THSD4: variants seen among roughly 807,000 people sequenced by gnomAD.
THSD4 encodes the protein thrombospondin type 1 domain containing 4, also known as thrombospondin type-1 domain-containing protein 4.
Under a neutral mutation model 119.0 loss-of-function variants are expected in THSD4, and 69 were observed. The observed-to-expected ratio is 0.58, with a 90% CI of 0.48 to 0.71. THSD4 has a LOEUF of 0.71. THSD4 is among the 30% of genes least tolerant of loss of function. The pLI, the probability that THSD4 is intolerant of heterozygous loss-of-function variation, is 0.00. For synonymous variants in THSD4, 524 were observed against 540.4 expected (o/e 0.97, Z 0.42); for missense variants, 1,393 against 1,391.1 (o/e 1.00, Z -0.02).
chr15:71,703,316 G>A (rs2052329196), intron 8 of THSD4, among the ~76,000 whole-genome samples: 1 of 152,162 alleles, frequency 6.6e-6, no homozygotes, highest in Non-Finnish European at 1.5e-5. Flanking sequence ...TGTAGACCCA[G>A]AAATCTCTAT....
intron 7 of THSD4, among the ~76,000 whole-genome samples, chr15:71,481,615 C>T (rs530530718): frequency 1.3e-5 from 2 of 152,154 alleles, no homozygotes; most frequent in South Asian, 4.2e-4. Flanking sequence ...TTCCTTTTTG[C>T]CCCTCTTCAT....
intron 7 of THSD4, among the ~76,000 whole-genome samples, chr15:71,656,087 G>A (rs1022205862): frequency 1.3e-5 from 2 of 152,126 alleles, no homozygotes; most frequent in African/African-American, 4.8e-5. Flanking sequence ...TGATTATACA[G>A]CTGTGTTTTG....
At chr15:71,446,320 C>T (rs571527066) in intron 7 of THSD4, among the ~76,000 whole-genome samples, 24 of 152,268 alleles carry the variant, frequency 1.6e-4, no homozygotes, top group Admixed American at 3.3e-4. Context: ...TAGCATTGCC[C>T]TTTCTTATAC....
intron 3 of THSD4, among the ~76,000 whole-genome samples, chr15:71,205,869 C>CTTTT (rs36119455): frequency 1.5e-5 from 2 of 130,854 alleles, no homozygotes; most frequent in Non-Finnish European, 3.2e-5. Context: ...TGGAGATTCT[C>CTTTT]TTTTTTTTTT....
rs201001019 is a variant in THSD4 at position 71,243,268 on chromosome 15, CT to C, written c.912+185del. The stretch of plus-strand genomic sequence containing the variant: ...CCATGTATTCTCCCTACATAGTTTT[CT>C]TTTTTTTTTTTTAAAGTTATTGCTT... On this transcript the variant is annotated intron_variant, in intron 5 of 17. Transcript: ENST00000261862. Among the ~76,000 whole-genome samples the C allele has an allele frequency of 3.7e-3, 532 of 142,500 alleles. 2 individuals carry two copies. The highest frequency in any genetic ancestry group is 6.8e-3 in the African/African-American group (265 of 39,090). The allele number at this position is 142,500 out of a possible 152,430, so 93.5% of individuals were successfully genotyped here. A position where few individuals can be genotyped will look rare whatever the true frequency, so the allele number is the denominator to read the frequency against.
At chr15:71,138,696 C>A (rs1001141223) in intron 1 of THSD4, among the ~76,000 whole-genome samples, 2 of 152,190 alleles carry the variant, frequency 1.3e-5, no homozygotes, top group African/African-American at 4.8e-5. Context: ...CAAGCCACCA[C>A]GTATAGGCCA....
chr15:71,656,371 C>T lies in THSD4; in HGVS notation c.1153-4159C>T, dbSNP rs373174976. Among the ~76,000 whole-genome samples the T allele has an allele frequency of 1.7e-4, 26 of 152,090 alleles. No homozygotes were observed. The South Asian group carries it at 4.4e-3, about 26-fold the overall frequency. On this transcript the variant is annotated intron_variant, in intron 7 of 17. Coordinates refer to ENST00000261862, the MANE Select transcript of THSD4 (RefSeq NM_024817.3). ...ACTTCTTATGAGTCTTACACTATTT[C>T]AAAATAAAACATTATAACAATAAGA...
chr15:71,196,072 T>C (rs1371209661), intron 3 of THSD4, among the ~76,000 whole-genome samples: 1 of 152,158 alleles, frequency 6.6e-6, no homozygotes, highest in Non-Finnish European at 1.5e-5. Flanking sequence ...GCCTTCTTGC[T>C]GCATCCTCAC....
chr15:71,713,410 G>A (rs2052551403), intron 8 of THSD4, among the ~76,000 whole-genome samples: 2 of 152,148 alleles, frequency 1.3e-5, no homozygotes, highest in African/African-American at 4.8e-5. Context: ...ATGGCCCTCC[G>A]CCCACACCTA....
intron 7 of THSD4, among the ~76,000 whole-genome samples, chr15:71,633,481 CT>C (rs2050677243): frequency 6.6e-6 from 1 of 152,016 alleles, no homozygotes; most frequent in African/African-American, 2.4e-5. Flanking sequence ...TGCCATGTTG[CT>C]TGGGCTGGTC....
intron 6 of THSD4, among the ~76,000 whole-genome samples, chr15:71,379,646 G>C (rs1039115448): frequency 5.3e-5 from 8 of 151,550 alleles, no homozygotes; most frequent in Admixed American, 1.3e-4. Flanking sequence ...TTTTAGTAGA[G>C]ACAGGGTTTC....
At chr15:71,651,133 C>T (rs2051079262) in intron 7 of THSD4, among the ~76,000 whole-genome samples, 1 of 152,168 alleles carries the variant, frequency 6.6e-6, no homozygotes. Context: ...GAGTTTCTGC[C>T]TCAAGAACAC....
chr15:71,611,413 T>A (rs1181699549), intron 7 of THSD4, among the ~76,000 whole-genome samples: 1 of 152,218 alleles, frequency 6.6e-6, no homozygotes, highest in African/African-American at 2.4e-5. Context: ...GCCTACTTCC[T>A]GCTGCCAGCC....
intron 17 of THSD4, 57 bp downstream of exon 17, chr15:71,771,265 T>A: frequency 6.3e-7 from 1 of 1,596,716 alleles, no homozygotes; most frequent in Non-Finnish European, 8.5e-7. Flanking sequence ...CTTGTCAGAT[T>A]CTCCGGTGTG....
intron 8 of THSD4, among the ~76,000 whole-genome samples, chr15:71,702,942 A>C (rs2052321402): frequency 6.6e-6 from 1 of 151,444 alleles, no homozygotes; most frequent in South Asian, 2.1e-4. Flanking sequence ...TGAGTGAATG[A>C]GCAAATCTGA....
chr15:71,206,672 A>G (rs1567157197), intron 3 of THSD4, among the ~76,000 whole-genome samples: 1 of 152,202 alleles, frequency 6.6e-6, no homozygotes, highest in Non-Finnish European at 1.5e-5. Flanking sequence ...TACAGAAACC[A>G]AATCCATTGA....
chr15:71,243,779 CACT>C (rs1179364554), intron 5 of THSD4, among the ~76,000 whole-genome samples: 1 of 135,048 alleles, frequency 7.4e-6, no homozygotes, highest in East Asian at 2.3e-4. Context: ...TTGTGCTCAG[CACT>C]TTTTTTTTTT....
At position 71,589,835 on chromosome 15, in the gene THSD4, T is replaced by C. The variant is rs536319501; in HGVS notation, c.1153-70695T>C. On this transcript the variant is annotated intron_variant, in intron 7 of 17. Coordinates refer to ENST00000261862, the MANE Select transcript of THSD4 (RefSeq NM_024817.3). ...TCCCCACGAGAATAGATAAATAAGT[T>C]GTGGCTATGCATGTAATGAAGTACA... Among the ~76,000 whole-genome samples, 71 of 139,398 alleles carry C rather than the reference T, an allele frequency of 5.1e-4. 7 individuals carry two copies. Among genetic ancestry groups the C allele is most frequent in the African/African-American group, 1.8e-3 (70 of 39,924 alleles). The allele number at this position is 139,398 out of a possible 152,430, so 91.5% of individuals were successfully genotyped here.
chr15:71,215,148 C>T lies in THSD4; in HGVS notation c.213C>T (p.Gly71=), dbSNP rs1404751158. ...PWSACSRSCS[G]GVMEQTRPCL... The stretch of plus-strand genomic sequence containing the variant: ...CGGCCTGCTCGCGTAGCTGCAGCGG[C>T]GGCGTGATGGAGCAGACGCGGCCCT... The change falls in exon 4 of 18, where the codon GGC becomes GGT. Residue 71 remains glycine, a synonymous_variant. Transcript: ENST00000261862. 3 of 1,372,092 alleles carry T rather than the reference C, an allele frequency of 2.2e-6. No homozygotes were observed. Among genetic ancestry groups the T allele is most frequent in the African/African-American group, 1.5e-5 (1 of 65,996 alleles). 85.0% of individuals were successfully genotyped at this position (1,372,092 alleles called of 1,614,324 possible). A position where few individuals can be genotyped will look rare whatever the true frequency, so the allele number is the denominator to read the frequency against.
Sources: allele counts gnomAD v4.1 joint callset (sites outside exome capture counted in the v4.1 genomes callset), GRCh38; gene constraint gnomAD v4.1.1; transcripts MANE v1.5; gene names NCBI Gene and HGNC (gene_info 2026-07-23, HGNC 2026-07-21).